The following RTTN variants were observed in gnomAD, a reference collection of about 807,000 sequenced individuals.
The protein encoded by RTTN is rotatin.
A neutral mutation model predicts 269.2 loss-of-function variants in RTTN; 182 were observed. The ratio of observed to expected loss-of-function variants is 0.68; its 90% CI spans 0.60 to 0.76. The LOEUF is 0.76. Among genes scored for constraint, RTTN ranks in the 30% least tolerant of loss-of-function variants. The pLI is 0.00. For missense variants in RTTN, 2,545 were observed against 2,608.6 expected, an observed-to-expected ratio of 0.98 and a Z score of 0.53; for synonymous variants, 1,006 against 963.5, an observed-to-expected ratio of 1.04 and a Z score of -0.82.
intron 46 of RTTN, 33 bp downstream of exon 46, chr18:70,017,374 C>T (rs774834742): frequency 6.3e-7 from 1 of 1,587,504 alleles, no homozygotes; most frequent in East Asian, 2.2e-5. Context: ...TGAATAACTA[C>T]ATATATAAAT....
intron 10 of RTTN, among the ~76,000 whole-genome samples, chr18:70,182,878 C>G (rs1274343961): frequency 6.6e-6 from 1 of 152,022 alleles, no homozygotes; most frequent in Non-Finnish European, 1.5e-5. Context: ...GAAATACAAA[C>G]AGCAAAAAAC....
intron 24 of RTTN, 131 bp from the exon 25 acceptor site, chr18:70,127,872 G>A: frequency 1.2e-6 from 1 of 825,554 alleles, no homozygotes; most frequent in South Asian, 1.9e-5. Context: ...TTGACTTACA[G>A]CCAGAAGAAA....
intron 28 of RTTN, among the ~76,000 whole-genome samples, chr18:70,103,650 A>C (rs1029431050): frequency 5.3e-5 from 8 of 151,016 alleles, no homozygotes; most frequent in African/African-American, 1.5e-4. Flanking sequence ...GCCTAGGAAA[A>C]CCAGAGACCT....
At chr18:70,165,283 T>C (rs1007234072) in intron 14 of RTTN, among the ~76,000 whole-genome samples, 1 of 151,450 alleles carries the variant, frequency 6.6e-6, no homozygotes, top group South Asian at 2.1e-4. Context: ...TATAAAATTC[T>C]TTAAATTATT....
chr18:70,144,381 A>C (rs2060335239), intron 18 of RTTN, among the ~76,000 whole-genome samples: 1 of 152,148 alleles, frequency 6.6e-6, no homozygotes, highest in South Asian at 2.1e-4. Flanking sequence ...AAGACCCCAG[A>C]GCAAACAGCA....
chr18:70,185,265 A>T (rs1047586555), intron 10 of RTTN, among the ~76,000 whole-genome samples: 1 of 152,162 alleles, frequency 6.6e-6, no homozygotes, highest in African/African-American at 2.4e-5. Flanking sequence ...CATAGGAAAC[A>T]CTCTTTGTAT....
chr18:70,054,420 T>C (rs1196132315), intron 37 of RTTN, 136 bp from the exon 38 acceptor site: 2 of 780,346 alleles, frequency 2.6e-6, no homozygotes, highest in Non-Finnish European at 4.0e-6. Context: ...AATTAACACA[T>C]AGCAGACAAA....
chr18:70,067,160 TTTA>T (rs2058158649), intron 34 of RTTN, among the ~76,000 whole-genome samples: 1 of 54,968 alleles, frequency 1.8e-5, no homozygotes, highest in Non-Finnish European at 7.4e-5. Flanking sequence ...CTAAAGCTTG[TTTA>T]TTTTTTTTTT....
intron 32 of RTTN, among the ~76,000 whole-genome samples, chr18:70,083,158 C>A (rs2058615424): frequency 6.6e-6 from 1 of 152,096 alleles, no homozygotes; most frequent in African/African-American, 2.4e-5. Context: ...GGTATCAAGG[C>A]CCCTGGTAGG....
intron 40 of RTTN, among the ~76,000 whole-genome samples, chr18:70,047,638 A>G (rs2057528010): frequency 6.6e-6 from 1 of 152,214 alleles, no homozygotes; most frequent in Non-Finnish European, 1.5e-5. Context: ...TAAAATTACA[A>G]TAAATTTTGA....
chr18:70,118,883 C>T (rs1015268098), intron 26 of RTTN, among the ~76,000 whole-genome samples: 2 of 152,086 alleles, frequency 1.3e-5, no homozygotes, highest in African/African-American at 4.8e-5. Context: ...CAAAATTCAA[C>T]ATCCTTTCAT....
intron 19 of RTTN, among the ~76,000 whole-genome samples, chr18:70,142,068 G>A (rs1020025043): frequency 1.3e-5 from 2 of 152,124 alleles, no homozygotes; most frequent in Non-Finnish European, 2.9e-5. Context: ...GTTAGGCTTT[G>A]CTAGACACAC....
chr18:70,165,356 A>T (rs1171545621), intron 14 of RTTN, among the ~76,000 whole-genome samples: 1 of 151,698 alleles, frequency 6.6e-6, no homozygotes, highest in African/African-American at 2.4e-5. Flanking sequence ...CTGGATGGGA[A>T]GAATATACAC....
intron 25 of RTTN, among the ~76,000 whole-genome samples, chr18:70,122,197 G>A (rs1259828036): frequency 6.6e-6 from 1 of 151,994 alleles, no homozygotes; most frequent in East Asian, 1.9e-4. Flanking sequence ...GTAGACTTAG[G>A]ATGAAATTTC....
intron 14 of RTTN, among the ~76,000 whole-genome samples, chr18:70,156,489 C>CGGTCCTGT (rs1413812856): frequency 1.3e-5 from 2 of 152,272 alleles, no homozygotes; most frequent in South Asian, 2.1e-4. Flanking sequence ...TGCGGTCCTG[C>CGGTCCTGT]GGTCCTATGA....
intron 43 of RTTN, 31 bp from the exon 44 acceptor site, chr18:70,024,879 G>C: frequency 6.2e-7 from 1 of 1,603,426 alleles, no homozygotes; most frequent in Non-Finnish European, 8.5e-7. Flanking sequence ...GACAGCATTA[G>C]TCTGAATATA....
chr18:70,058,597 C>A (rs528987198), intron 36 of RTTN, among the ~76,000 whole-genome samples: 2 of 151,986 alleles, frequency 1.3e-5, no homozygotes, highest in South Asian at 4.2e-4. Context: ...AAAACAGGTA[C>A]GGAAATATGA....
In RTTN at chr18:70,142,364, ATAT is replaced by A. The variant is rs2060278795; in HGVS notation, c.2502_2504del (p.Tyr835del). ...CAACATCATCTGAGGTGAAGATTTC[ATAT>A]ACCTTTTCAACAGTCTCCAACTACA... On this transcript the variant is annotated inframe_deletion, in exon 19 of 49. Transcript: ENST00000640769. The A allele has an allele frequency of 6.2e-7, 1 of 1,601,252 alleles. No individual in the cohort carries two copies.
intron 40 of RTTN, among the ~76,000 whole-genome samples, chr18:70,039,699 T>C (rs576746000): frequency 2.6e-5 from 4 of 152,254 alleles, no homozygotes; most frequent in African/African-American, 9.6e-5. Flanking sequence ...TAAACTACTC[T>C]TATCTTAAGT....
Sources: allele counts gnomAD v4.1 joint callset (sites outside exome capture counted in the v4.1 genomes callset), GRCh38; gene constraint gnomAD v4.1.1; transcripts MANE v1.5; gene names NCBI Gene and HGNC (gene_info 2026-07-23, HGNC 2026-07-21).